Variants in NRCAM observed in about 807,000 individuals in gnomAD.
NRCAM encodes the protein NgCAM-related cell adhesion molecule.
NRCAM carries 83 observed loss-of-function variants against 156.5 expected under a neutral mutation model. The ratio of observed to expected loss-of-function variants is 0.53; its 90% CI spans 0.44 to 0.64. The LOEUF (loss-of-function observed/expected upper bound fraction) is 0.64, where lower values mean the gene tolerates loss of function less well. Among genes scored for constraint, NRCAM ranks in the 30% least tolerant of loss-of-function variants. The pLI is 0.00. For synonymous variants in NRCAM, 538 were observed against 563.9 expected (o/e 0.95, Z 0.65); for missense variants, 1,417 against 1,597.3 (o/e 0.89, Z 1.92).
intron 32 of NRCAM, among the ~76,000 whole-genome samples, chr7:108,152,806 A>G (rs1180101276): frequency 3.9e-5 from 6 of 152,206 alleles, no homozygotes; most frequent in African/African-American, 1.4e-4. Flanking sequence ...GAATATTACA[A>G]TAATCCAGGA....
chr7:108,398,534 T>C (rs2099783359), intron 2 of NRCAM, among the ~76,000 whole-genome samples: 1 of 152,136 alleles, frequency 6.6e-6, no homozygotes, highest in Admixed American at 6.5e-5. Context: ...CACCTTCCTT[T>C]CACACATATG....
At position 108,184,491 on chromosome 7, in the gene NRCAM, C is replaced by T. The variant is rs143522957; in HGVS notation, c.2159G>A (p.Arg720His). The T allele has an allele frequency of 2.8e-5, 46 of 1,614,068 alleles. No homozygotes were observed. Among genetic ancestry groups the T allele is most frequent in the African/African-American group, 2.3e-4 (17 of 74,938 alleles). ...CCCAATGCTGTTCACTGCCATCACG[C>T]GGAAGGAGTAGTTCACGTAAGGAGA... Reference protein sequence around the residue: ...KLSPYVNYSFRVMAVNSIGKS... With the variant: ...KLSPYVNYSFHVMAVNSIGKS... The change falls in exon 21 of 33, where the codon CGC becomes CAC. Residue 720 changes from arginine (R) to histidine (H), a missense_variant. Arg to His is a conservative substitution (Grantham distance 29). This residue lies in a region of NRCAM where 1,238 missense variants were observed against 1,336.4 expected (regional missense o/e 0.93). Coordinates refer to ENST00000379028, the MANE Select transcript of NRCAM (RefSeq NM_001037132.4).
At chr7:108,236,522 T>A (rs1346972229) in intron 5 of NRCAM, among the ~76,000 whole-genome samples, 1 of 152,114 alleles carries the variant, frequency 6.6e-6, no homozygotes, top group East Asian at 1.9e-4. Flanking sequence ...TTACTAGCTG[T>A]GAGATTTCAA....
chr7:108,407,472 T>A (rs1462524224), intron 1 of NRCAM, among the ~76,000 whole-genome samples: 2 of 152,208 alleles, frequency 1.3e-5, no homozygotes, highest in Non-Finnish European at 2.9e-5. Flanking sequence ...GTTCCATTTC[T>A]CTCATCTAAG....
intron 1 of NRCAM, among the ~76,000 whole-genome samples, chr7:108,450,158 G>A (rs796433728): frequency 1.3e-4 from 19 of 151,992 alleles, no homozygotes; most frequent in African/African-American, 4.6e-4. Flanking sequence ...CATAATACAA[G>A]TAAGATTCAT....
At chr7:108,268,524 C>T (rs569485916) in intron 3 of NRCAM, among the ~76,000 whole-genome samples, 1 of 150,820 alleles carries the variant, frequency 6.6e-6, no homozygotes, top group African/African-American at 2.4e-5. Context: ...GTATTCCATG[C>T]TTCTGAAAGT....
chr7:108,316,350 C>A (rs114839187), intron 2 of NRCAM, among the ~76,000 whole-genome samples: 3 of 152,194 alleles, frequency 2.0e-5, no homozygotes, highest in African/African-American at 7.2e-5. Context: ...GACTTCTCTG[C>A]CTCCAGAACC....
intron 32 of NRCAM, among the ~76,000 whole-genome samples, chr7:108,155,857 T>C (rs944035970): frequency 3.3e-5 from 5 of 152,058 alleles, no homozygotes; most frequent in African/African-American, 7.2e-5. Flanking sequence ...AGACAAATCA[T>C]TGGAATATAT....
intron 3 of NRCAM, among the ~76,000 whole-genome samples, chr7:108,255,977 C>G (rs1213397470): frequency 6.6e-6 from 1 of 150,754 alleles, no homozygotes; most frequent in African/African-American, 2.4e-5. Context: ...AGCCCCCGCC[C>G]GGCCAGCTGC....
chr7:108,410,422 T>TG (rs1563681783), intron 1 of NRCAM, among the ~76,000 whole-genome samples: 1 of 152,078 alleles, frequency 6.6e-6, no homozygotes, highest in Non-Finnish European at 1.5e-5. Flanking sequence ...AATGTGAGAG[T>TG]GCTCCTTAAA....
chr7:108,231,480 A>G (rs1373388266), intron 7 of NRCAM, among the ~76,000 whole-genome samples: 2 of 152,136 alleles, frequency 1.3e-5, no homozygotes, highest in Non-Finnish European at 2.9e-5. Flanking sequence ...TTTAAATGTA[A>G]AAAGATTTGC....
intron 7 of NRCAM, among the ~76,000 whole-genome samples, chr7:108,231,664 G>A (rs929392392): frequency 4.6e-5 from 7 of 152,040 alleles, no homozygotes; most frequent in African/African-American, 1.4e-4. Context: ...TATCTGCCTA[G>A]GAAAAAATAG....
intron 3 of NRCAM, among the ~76,000 whole-genome samples, chr7:108,281,869 G>A (rs1490640503): frequency 1.3e-5 from 2 of 152,246 alleles, no homozygotes; most frequent in African/African-American, 4.8e-5. Context: ...GAATTCAAAT[G>A]TTTGGAAGAT....
intron 11 of NRCAM, among the ~76,000 whole-genome samples, chr7:108,221,680 T>C (rs1274700895): frequency 6.6e-6 from 1 of 152,028 alleles, no homozygotes; most frequent in Non-Finnish European, 1.5e-5. Context: ...AATAACACAA[T>C]GGACTTTGGG....
chr7:108,159,398 G>A (rs368560348), intron 32 of NRCAM, 65 bp downstream of exon 32: 9 of 1,393,582 alleles, frequency 6.5e-6, no homozygotes, highest in East Asian at 2.3e-5. Flanking sequence ...TTCTGGCTGA[G>A]TTCTATTCTC....
At chr7:108,176,747 C>T in intron 26 of NRCAM, 141 bp from the exon 27 acceptor site, 1 of 633,888 alleles carries the variant, frequency 1.6e-6, no homozygotes, top group South Asian at 2.0e-5. Flanking sequence ...CCCAGCATAA[C>T]TAAGTGATAA....
At chr7:108,170,504 A>G (rs2057808677) in intron 28 of NRCAM, among the ~76,000 whole-genome samples, 1 of 152,224 alleles carries the variant, frequency 6.6e-6, no homozygotes, top group Non-Finnish European at 1.5e-5. Flanking sequence ...CAGAAACTCA[A>G]AAAGAATGCA....
chr7:108,170,653 G>T (rs2057938554), intron 28 of NRCAM, among the ~76,000 whole-genome samples: 1 of 152,186 alleles, frequency 6.6e-6, no homozygotes, highest in Non-Finnish European at 1.5e-5. Flanking sequence ...ACCAAACTGT[G>T]CTCTGGCCAC....
chr7:108,209,508 C>T lies in NRCAM; in HGVS notation c.988G>A (p.Val330Ile). The change falls in exon 12 of 33, where the codon GTT becomes ATT. Residue 330 changes from valine to isoleucine, a missense_variant. Val to Ile is a conservative substitution (Grantham distance 29). Coordinates refer to ENST00000379028, the MANE Select transcript of NRCAM (RefSeq NM_001037132.4). The stretch of plus-strand genomic sequence containing the variant: ...TAATTTCCAGAGTCTGCTTCTGAAA[C>T]ATGAATGATCTGCAAGGTTTTCTCA... The part of the protein sequence containing the change: ...NFEKTLQIIH[V>I]SEADSGNYQC... 6.2e-7 allele frequency: 1 copy of T among 1,612,120 alleles called. No homozygotes were observed. Among genetic ancestry groups the T allele is most frequent in the East Asian group, 2.2e-5 (1 of 44,770 alleles).
Sources: gnomAD v4.1 joint callset for allele counts (sites outside exome capture counted in the v4.1 genomes callset) on GRCh38, gnomAD v4.1.1 for gene constraint, gnomAD v4.1.1 regional missense constraint, MANE v1.5 for transcripts, NCBI Gene and HGNC (gene_info 2026-07-23, HGNC 2026-07-21) for gene names.